Variants in KSR2 observed in about 807,000 individuals in gnomAD.
The protein encoded by KSR2 is kinase suppressor of ras 2.
A neutral mutation model predicts 107.8 loss-of-function variants in KSR2; 25 were observed. The observed-to-expected ratio is 0.23, with a 90% CI of 0.17 to 0.32. The LOEUF is 0.32. KSR2 is among the 10% of genes least tolerant of loss of function. The pLI, the probability that KSR2 is intolerant of heterozygous loss-of-function variation, is 1.00. For synonymous variants in KSR2, 480 were observed against 507.0 expected (o/e 0.95, Z 0.71); for missense variants, 887 against 1,268.9 (o/e 0.70, Z 4.57).
chr12:117,689,034 C>T (rs1385976703), intron 4 of KSR2, among the ~76,000 whole-genome samples: 1 of 152,236 alleles, frequency 6.6e-6, no homozygotes, highest in Non-Finnish European at 1.5e-5. Flanking sequence ...AACCCCCTTA[C>T]TCTCACTGCC....
chr12:117,777,086 T>TA (rs1555238903), intron 3 of KSR2, among the ~76,000 whole-genome samples: 2 of 85,398 alleles, frequency 2.3e-5, no homozygotes, highest in Non-Finnish European at 4.0e-5. Context: ...AATATATATA[T>TA]TTTATATATA....
At chr12:117,687,751 T>G (rs73213810) in intron 4 of KSR2, among the ~76,000 whole-genome samples, 1 of 152,248 alleles carries the variant, frequency 6.6e-6, no homozygotes, top group Non-Finnish European at 1.5e-5. Flanking sequence ...ACTCACCAGG[T>G]GCCAATCAGA....
chr12:117,472,792 C>G (rs1871548876), intron 17 of KSR2, among the ~76,000 whole-genome samples: 1 of 152,162 alleles, frequency 6.6e-6, no homozygotes, highest in Non-Finnish European at 1.5e-5. Flanking sequence ...AGGTTTTACT[C>G]TGCACTAGGC....
intron 3 of KSR2, among the ~76,000 whole-genome samples, chr12:117,796,072 A>G (rs1890616048): frequency 6.8e-6 from 1 of 148,002 alleles, no homozygotes; most frequent in Non-Finnish European, 1.5e-5. Flanking sequence ...GACCACAGGT[A>G]TGTGCCACCA....
intron 3 of KSR2, among the ~76,000 whole-genome samples, chr12:117,767,010 G>C (rs186004886): frequency 6.6e-6 from 1 of 151,744 alleles, no homozygotes; most frequent in Non-Finnish European, 1.5e-5. Flanking sequence ...TCAGCCTCTC[G>C]AGTAGTTGGG....
intron 9 of KSR2, among the ~76,000 whole-genome samples, chr12:117,550,090 C>T (rs1877183250): frequency 6.6e-6 from 1 of 152,130 alleles, no homozygotes; most frequent in African/African-American, 2.4e-5. Flanking sequence ...ATTCCTCTTT[C>T]TGAACATAGA....
chr12:117,844,129 G>A (rs1238139904), intron 3 of KSR2, among the ~76,000 whole-genome samples: 1 of 152,024 alleles, frequency 6.6e-6, no homozygotes, highest in East Asian at 1.9e-4. Context: ...CTTGGGATGT[G>A]TGTTGTGAGA....
At chr12:117,542,849 G>C (rs920798177) in intron 9 of KSR2, among the ~76,000 whole-genome samples, 2 of 152,200 alleles carry the variant, frequency 1.3e-5, no homozygotes, top group African/African-American at 4.8e-5. Flanking sequence ...GAATCATACA[G>C]TATGTAACCT....
intron 4 of KSR2, among the ~76,000 whole-genome samples, chr12:117,752,650 T>C (rs775418846): frequency 1.3e-5 from 2 of 152,244 alleles, no homozygotes; most frequent in African/African-American, 2.4e-5. Flanking sequence ...AAAATAAAGA[T>C]ATATCTGCAA....
At position 117,596,343 on chromosome 12, in the gene KSR2, G is replaced by A. The variant is rs180809189; in HGVS notation, c.1172-13984C>T. Among the ~76,000 whole-genome samples the A allele has an allele frequency of 8.0e-4, 121 of 152,122 alleles. 2 individuals carry two copies. Among genetic ancestry groups the A allele is most frequent in the Admixed American group, 6.9e-3 (106 of 15,276 alleles). On this transcript the variant is annotated intron_variant, in intron 5 of 19. Coordinates refer to ENST00000339824, the MANE Select transcript of KSR2 (RefSeq NM_173598.6). ...CCCCATGATTCAATCACCTCTCCCCGGGTCCCTCCCATGACACATGGGAAT... is the reference window on the plus strand; with the variant it reads ...CCCCATGATTCAATCACCTCTCCCCAGGTCCCTCCCATGACACATGGGAAT...
intron 3 of KSR2, among the ~76,000 whole-genome samples, chr12:117,810,870 G>A (rs1891166848): frequency 6.6e-6 from 1 of 152,116 alleles, no homozygotes; most frequent in African/African-American, 2.4e-5. Context: ...AAGTTAATGA[G>A]CTTATAAAAA....
At chr12:117,844,854 C>T (rs373996656) in intron 3 of KSR2, among the ~76,000 whole-genome samples, 2 of 152,134 alleles carry the variant, frequency 1.3e-5, no homozygotes, top group East Asian at 3.9e-4. Context: ...CTTTTCTTTT[C>T]TCAAAAACCT....
chr12:117,812,957 C>T (rs1891249291), intron 3 of KSR2, among the ~76,000 whole-genome samples: 1 of 151,118 alleles, frequency 6.6e-6, no homozygotes, highest in South Asian at 2.1e-4. Context: ...CAGCATTGTA[C>T]AGGCATACAA....
At chr12:117,812,454 A>G (rs1891221079) in intron 3 of KSR2, among the ~76,000 whole-genome samples, 1 of 152,178 alleles carries the variant, frequency 6.6e-6, no homozygotes, top group African/African-American at 2.4e-5. Flanking sequence ...TAGAGAGTTG[A>G]TCTAGACAGT....
intron 1 of KSR2, among the ~76,000 whole-genome samples, chr12:117,918,441 G>A (rs377751345): frequency 9.9e-5 from 15 of 152,110 alleles, no homozygotes; most frequent in African/African-American, 3.4e-4. Context: ...CTGCTTGCCT[G>A]CCCTATTCCT....
intron 7 of KSR2, among the ~76,000 whole-genome samples, chr12:117,562,791 C>T (rs1485655652): frequency 6.6e-6 from 1 of 152,190 alleles, no homozygotes; most frequent in Non-Finnish European, 1.5e-5. Flanking sequence ...AGACCGAACA[C>T]TCTTCCTTCC....
chr12:117,676,058 C>T (rs1423519051), intron 4 of KSR2, among the ~76,000 whole-genome samples: 2 of 152,206 alleles, frequency 1.3e-5, no homozygotes, highest in Non-Finnish European at 1.5e-5. Context: ...TTTTCAAAAT[C>T]AAAGAATGCA....
intron 4 of KSR2, among the ~76,000 whole-genome samples, chr12:117,714,735 G>A (rs940813273): frequency 6.6e-6 from 1 of 152,086 alleles, no homozygotes; most frequent in Non-Finnish European, 1.5e-5. Context: ...AGGGGACATC[G>A]GACAATGTCA....
intron 5 of KSR2, among the ~76,000 whole-genome samples, chr12:117,604,226 T>C (rs565587069): frequency 1.3e-5 from 2 of 152,318 alleles, no homozygotes; most frequent in East Asian, 3.9e-4. Context: ...CCACTCAGCA[T>C]AAATTCCTGT....
Sources: gnomAD v4.1 joint callset for allele counts (sites outside exome capture counted in the v4.1 genomes callset) on GRCh38, gnomAD v4.1.1 for gene constraint, MANE v1.5 for transcripts, NCBI Gene and HGNC (gene_info 2026-07-23, HGNC 2026-07-21) for gene names.